NF1: variants seen among roughly 807,000 people sequenced by gnomAD.
NF1 encodes neurofibromin 1, also known as neurofibromin.
In NF1, 122 loss-of-function variants were observed where a neutral mutation model predicts 325.7. That is an observed-to-expected ratio of 0.37 (90% CI 0.32 to 0.44). The LOEUF (loss-of-function observed/expected upper bound fraction) is 0.44, where lower values mean the gene tolerates loss of function less well. Ranked by LOEUF, NF1 falls within the 20% of genes least tolerant of loss-of-function variation. The pLI, the probability that NF1 is intolerant of heterozygous loss-of-function variation, is 1.00. For synonymous variants in NF1, 1,091 were observed against 1,186.0 expected (o/e 0.92, Z 1.65); for missense variants, 2,140 against 3,415.4 (o/e 0.63, Z 9.31).
At chr17:31,244,835 C>G (rs906212041) in intron 29 of NF1, among the ~76,000 whole-genome samples, 1 of 152,108 alleles carries the variant, frequency 6.6e-6, no homozygotes, top group African/African-American at 2.4e-5. Context: ...GATGGTTGTT[C>G]AAGTTGGTGT....
intron 39 of NF1, 108 bp downstream of exon 39, chr17:31,330,606 T>G: frequency 1.1e-6 from 1 of 877,276 alleles, no homozygotes; most frequent in East Asian, 2.7e-5. Context: ...ACATTTTTAC[T>G]TTTTTTCCTC....
intron 3 of NF1, among the ~76,000 whole-genome samples, chr17:31,161,638 C>T (rs1036912353): frequency 6.6e-6 from 1 of 152,226 alleles, no homozygotes; most frequent in Admixed American, 6.5e-5. Context: ...ACAGGACCAC[C>T]TGGCCTTATG....
chr17:31,273,777 A>G (rs957800214), intron 36 of NF1, among the ~76,000 whole-genome samples: 4 of 152,220 alleles, frequency 2.6e-5, no homozygotes, highest in African/African-American at 9.6e-5. Flanking sequence ...AGACTTTGGC[A>G]GAGATTAAAG....
At chr17:31,096,182 G>C (rs552018970) in intron 1 of NF1, among the ~76,000 whole-genome samples, 199 of 145,618 alleles carry the variant, frequency 1.4e-3, no homozygotes, top group African/African-American at 4.9e-3. Context: ...ATGCATTCTC[G>C]AGTGAGAATG....
intron 29 of NF1, among the ~76,000 whole-genome samples, chr17:31,242,851 A>G (rs1262349856): frequency 6.6e-6 from 1 of 152,024 alleles, no homozygotes; most frequent in South Asian, 2.1e-4. Context: ...ATGCTTATGG[A>G]TGTTCATTAG....
intron 36 of NF1, chr17:31,304,354 A>G (rs1330441874): frequency 6.2e-7 from 1 of 1,614,116 alleles, no homozygotes; most frequent in East Asian, 2.2e-5. Context: ...CTGGATCTCA[A>G]GGTTGGAATC....
intron 36 of NF1, chr17:31,320,270 T>G: frequency 1.7e-5 from 14 of 847,846 alleles, no homozygotes; most frequent in Non-Finnish European, 2.2e-5. Context: ...ATTTACTAAA[T>G]GAAATTGCCT....
At position 31,197,211 on chromosome 17, in the gene NF1, A is replaced by AT. The variant is rs553058708; in HGVS notation, c.889-3203dup. On this transcript the variant is annotated intron_variant, in intron 8 of 57. Coordinates refer to ENST00000358273, the MANE Select transcript of NF1 (RefSeq NM_001042492.3). ...AGGGACCCGCCACCATGCCCAGCTA[A>AT]TTTTTTTTGTATTTTTAGTAGAAAC... Among the ~76,000 whole-genome samples, 622 of 151,180 alleles carry AT rather than the reference A, an allele frequency of 4.1e-3. 2 individuals carry two copies. The highest frequency in any genetic ancestry group is 7.0e-3 in the Non-Finnish European group (473 of 67,700).
At chr17:31,245,664 G>A (rs1025439990) in intron 29 of NF1, among the ~76,000 whole-genome samples, 10 of 152,050 alleles carry the variant, frequency 6.6e-5, no homozygotes, top group Non-Finnish European at 2.9e-5. Flanking sequence ...GATGCACATA[G>A]GGCAAGGCAT....
intron 36 of NF1, among the ~76,000 whole-genome samples, chr17:31,280,720 A>G (rs2068102468): frequency 6.6e-6 from 1 of 151,908 alleles, no homozygotes; most frequent in Non-Finnish European, 1.5e-5. Context: ...CATCTTACAC[A>G]TTACTGCCAG....
At position 31,217,471 on chromosome 17, in the gene NF1, C is replaced by T. The variant is rs73273595; in HGVS notation, c.1528-1534C>T. Among the ~76,000 whole-genome samples, 1,189 of 151,884 alleles carry T rather than the reference C, an allele frequency of 7.8e-3. 19 individuals are homozygous for T. Among genetic ancestry groups the T allele is most frequent in the African/African-American group, 0.027 (1,139 of 41,442 alleles). ...AGATTACAAGCACCCGCCACCAAAC[C>T]GGCTTGTACTTTTAGGAGAGATGGG... On this transcript the variant is annotated intron_variant, in intron 13 of 57. Transcript: ENST00000358273.
At chr17:31,195,954 T>G (rs1398936364) in intron 8 of NF1, among the ~76,000 whole-genome samples, 2 of 152,094 alleles carry the variant, frequency 1.3e-5, no homozygotes, top group Non-Finnish European at 2.9e-5. Context: ...TATCCAGAAG[T>G]GTAATTTCTG....
intron 48 of NF1, among the ~76,000 whole-genome samples, chr17:31,348,661 T>C (rs1447708713): frequency 1.3e-4 from 20 of 151,492 alleles, no homozygotes; most frequent in Admixed American, 1.3e-3. Context: ...TTAACTGATA[T>C]TGTAAAAATT....
chr17:31,353,669 A>G (rs1319780353), intron 51 of NF1, among the ~76,000 whole-genome samples: 1 of 152,220 alleles, frequency 6.6e-6, no homozygotes, highest in Non-Finnish European at 1.5e-5. Context: ...CTCAGAGGAA[A>G]TGCAGAGATG....
chr17:31,102,132 T>C (rs1227903307), intron 1 of NF1, among the ~76,000 whole-genome samples: 1 of 152,224 alleles, frequency 6.6e-6, no homozygotes, highest in East Asian at 1.9e-4. Context: ...GTAAGAAAAT[T>C]AGCATAAAGA....
At chr17:31,215,854 A>G (rs1026729657) in intron 13 of NF1, among the ~76,000 whole-genome samples, 1 of 152,212 alleles carries the variant, frequency 6.6e-6, no homozygotes, top group African/African-American at 2.4e-5. Context: ...GTTTGTAACT[A>G]CATGCCTATG....
chr17:31,252,549 A>G (rs1042299126), intron 30 of NF1: 1 of 225,140 alleles, frequency 4.4e-6, no homozygotes, highest in Non-Finnish European at 8.8e-6. Context: ...CCAAGAAAAA[A>G]TTATGTAGAC....
chr17:31,142,977 T>C (rs577094654), intron 1 of NF1, among the ~76,000 whole-genome samples: 1 of 152,268 alleles, frequency 6.6e-6, no homozygotes, highest in East Asian at 1.9e-4. Flanking sequence ...AATATTCTTA[T>C]TAATAGGCAA....
intron 1 of NF1, among the ~76,000 whole-genome samples, chr17:31,121,105 C>T (rs1321269860): frequency 6.6e-6 from 1 of 152,124 alleles, no homozygotes; most frequent in Admixed American, 6.5e-5. Context: ...TATAATTCAG[C>T]CCTTATCCCT....
Sources: gnomAD v4.1 joint callset for allele counts (sites outside exome capture counted in the v4.1 genomes callset) on GRCh38, gnomAD v4.1.1 for gene constraint, MANE v1.5 for transcripts, NCBI Gene and HGNC (gene_info 2026-07-23, HGNC 2026-07-21) for gene names.